Variants in CPSF4L observed in about 807,000 individuals in gnomAD.
CPSF4L encodes cleavage and polyadenylation specific factor 4 like, also known as putative cleavage and polyadenylation specificity factor subunit 4-like protein.
A neutral mutation model predicts 24.0 loss-of-function variants in CPSF4L; 18 were observed. The ratio of observed to expected loss-of-function variants is 0.75; its 90% confidence interval spans 0.52 to 1.11. The LOEUF is 1.11. CPSF4L is among the 50% of genes least tolerant of loss of function. The probability of loss-of-function intolerance (pLI) is 0.00; values close to 1 mark genes in which losing one functional copy is unlikely to be tolerated. For synonymous variants in CPSF4L, 72 were observed against 77.2 expected (o/e 0.93, Z 0.35); for missense variants, 211 against 221.8 (o/e 0.95, Z 0.31).
At chr17:73,242,802 A>G in the CPSF4L span, 52 of 885,232 alleles carry the variant, frequency 5.9e-5, no homozygotes, top group Non-Finnish European at 9.0e-5. Context: ...TTACAGTTCC[A>G]TCACTCAGGC....
downstream of CPSF4L, chr17:73,245,593 A>T (rs1253873584): frequency 1.0e-6 from 1 of 985,300 alleles, no homozygotes; most frequent in Non-Finnish European, 1.2e-6. Context: ...CTATATGTTG[A>T]TACAGGAAAG....
chr17:73,247,236 T>C, downstream of CPSF4L: 2 of 1,613,656 alleles, frequency 1.2e-6, no homozygotes, highest in Non-Finnish European at 1.7e-6. Context: ...ATCTGGCCTT[T>C]ACAGAAAAAT....
chr17:73,251,842 T>A (rs2062007185), intron 5 of CPSF4L, among the ~76,000 whole-genome samples: 1 of 152,240 alleles, frequency 6.6e-6, no homozygotes, highest in Non-Finnish European at 1.5e-5. Flanking sequence ...CCATAGGGAC[T>A]GAGCACAGTT....
At chr17:73,248,586 A>G (rs1322035254) in intron 5 of CPSF4L, 50 bp from the exon 6 acceptor site, 3 of 1,532,994 alleles carry the variant, frequency 2.0e-6, no homozygotes, top group Admixed American at 2.0e-5. Flanking sequence ...CGTAATCCAT[A>G]TTCACCTTCC....
chr17:73,250,176 T>A, intron 5 of CPSF4L: 2 of 1,485,716 alleles, frequency 1.3e-6, no homozygotes, highest in Non-Finnish European at 1.8e-6. Context: ...AGGCTTACTG[T>A]GGAACTTGGG....
the CPSF4L span, chr17:73,243,277 C>T: frequency 2.4e-5 from 10 of 417,458 alleles, no homozygotes; most frequent in Non-Finnish European, 4.0e-5. Context: ...GCCTCAGCCT[C>T]TCGAGTAGCT....
Position 73,259,391 on chromosome 17 carries a change from C to T in CPSF4L, c.154+1542G>A, listed in dbSNP as rs140958853. ...ATTATGTTTTGTAGAGATGGGGTCT[C>T]GCTATGTTGCCCAGGCTGGTCTTGA... On this transcript the variant is annotated intron_variant, in intron 2 of 5. Transcript: ENST00000344935. Among the ~76,000 whole-genome samples, 362 of 150,764 alleles carry T rather than the reference C, an allele frequency of 2.4e-3. 1 individual carries two copies. Among genetic ancestry groups the T allele is most frequent in the Admixed American group, 4.4e-3 (66 of 15,112 alleles).
chr17:73,242,982 A>C, the CPSF4L span: 1 of 1,613,440 alleles, frequency 6.2e-7, no homozygotes, highest in South Asian at 1.1e-5. Context: ...CCTGTGTTGT[A>C]GCTGGAGTTT....
chr17:73,261,663 A>AG (rs1343729920), intron 1 of CPSF4L, 53 bp downstream of exon 1: 1 of 1,263,862 alleles, frequency 7.9e-7, no homozygotes, highest in East Asian at 2.5e-5. Flanking sequence ...TCCGTCTCAA[A>AG]GAAAAAAAAA....
chr17:73,253,057 A>G (rs1386416899), intron 4 of CPSF4L, among the ~76,000 whole-genome samples: 4 of 152,176 alleles, frequency 2.6e-5, no homozygotes, highest in African/African-American at 7.2e-5. Flanking sequence ...TATGGGAGGT[A>G]CAGCTGAGAA....
chr17:73,243,090 T>TG, the CPSF4L span: 324 of 978,372 alleles, frequency 3.3e-4, no homozygotes, highest in Middle Eastern at 8.0e-4. Context: ...TTTTTTTTTT[T>TG]TTTTTTTTTT....
intron 2 of CPSF4L, among the ~76,000 whole-genome samples, chr17:73,258,142 T>C (rs1185678372): frequency 2.0e-5 from 3 of 152,058 alleles, no homozygotes; most frequent in Non-Finnish European, 4.4e-5. Context: ...CCTGAGTAGC[T>C]GGGACTACAG....
downstream of CPSF4L, among the ~76,000 whole-genome samples, chr17:73,246,273 C>G (rs547642099): frequency 6.6e-6 from 1 of 152,244 alleles, no homozygotes; most frequent in Admixed American, 6.5e-5. Flanking sequence ...GTGGCTCACG[C>G]CTGTAATCCC....
chr17:73,250,836 C>T (rs1599410480), intron 5 of CPSF4L: 1 of 616,286 alleles, frequency 1.6e-6, no homozygotes. Context: ...GGATGGTTTA[C>T]AGTATCCTCT....
downstream of CPSF4L, chr17:73,247,166 C>A: frequency 7.4e-7 from 1 of 1,345,918 alleles, no homozygotes; most frequent in Non-Finnish European, 1.1e-6. Context: ...CACACAACAA[C>A]AGCAAAGTCG....
intron 3 of CPSF4L, among the ~76,000 whole-genome samples, chr17:73,257,293 C>T (rs547067360): frequency 4.6e-5 from 7 of 152,216 alleles, no homozygotes; most frequent in African/African-American, 1.7e-4. Context: ...TTTGAGGGTA[C>T]AGCAGGCATC....
chr17:73,248,667 TTC>T (rs1320172581), intron 5 of CPSF4L, 131 bp from the exon 6 acceptor site: 4 of 909,800 alleles, frequency 4.4e-6, no homozygotes, highest in African/African-American at 3.3e-5. Flanking sequence ...TATTTGAAGG[TTC>T]TGTTACTACA....
At position 73,248,852 on chromosome 17, in the gene CPSF4L, TTAAAAA is replaced by T. The variant is rs544683242; in HGVS notation, c.498-322_498-317del. The T allele has an allele frequency of 2.1e-3, 638 of 305,444 alleles. 4 individuals carry two copies. Among genetic ancestry groups the T allele is most frequent in the African/African-American group, 0.012 (571 of 46,306 alleles). 18.9% of individuals were successfully genotyped at this position (305,444 alleles called of 1,614,324 possible). On this transcript the variant is annotated intron_variant, in intron 5 of 5. Coordinates refer to ENST00000344935, the MANE Select transcript of CPSF4L (RefSeq NM_001129885.1). Reference sequence around the variant, plus strand: ...TGCACATTAAAATTTATTTTAGCTGTTAAAAATAAAATCATTTTATTATCAGCAGAC... The same window carrying T: ...TGCACATTAAAATTTATTTTAGCTGTTAAAATCATTTTATTATCAGCAGAC...
chr17:73,252,862 C>G (rs1435823615), intron 4 of CPSF4L, 139 bp from the exon 5 acceptor site: 1 of 601,376 alleles, frequency 1.7e-6, no homozygotes, highest in Admixed American at 3.1e-5. Flanking sequence ...CCCATCCTTT[C>G]TGTACCACCC....
Sources: allele counts gnomAD v4.1 joint callset (sites outside exome capture counted in the v4.1 genomes callset), GRCh38; gene constraint gnomAD v4.1.1; transcripts MANE v1.5; gene names NCBI Gene and HGNC (gene_info 2026-07-23, HGNC 2026-07-21).